Variants in KCTD8 observed in about 807,000 individuals in gnomAD.
The protein encoded by KCTD8 is BTB/POZ domain-containing protein KCTD8.
In KCTD8, 27 loss-of-function variants were observed where a neutral mutation model predicts 31.5. The ratio of observed to expected loss-of-function variants is 0.86; its 90% CI spans 0.63 to 1.18. KCTD8 has a LOEUF of 1.18. Ranked by LOEUF, KCTD8 falls within the 50% of genes most tolerant of loss-of-function variation. KCTD8 has a pLI of 0.00. For synonymous variants in KCTD8, 290 were observed against 280.0 expected (o/e 1.04, Z -0.36); for missense variants, 658 against 647.7 (o/e 1.02, Z -0.17).
intron 1 of KCTD8, among the ~76,000 whole-genome samples, chr4:44,402,726 C>T (rs1259073977): frequency 2.0e-5 from 3 of 152,196 alleles, no homozygotes; most frequent in Admixed American, 6.5e-5. Flanking sequence ...TGTCCCACCT[C>T]CCCTCATATC....
chr4:44,323,503 C>CCG (rs1286712798), intron 1 of KCTD8, among the ~76,000 whole-genome samples: 4 of 127,962 alleles, frequency 3.1e-5, no homozygotes, highest in Non-Finnish European at 3.3e-5. Context: ...CCCACCCACC[C>CCG]CCCCCCAAAA....
At chr4:44,404,474 A>T (rs1192804375) in intron 1 of KCTD8, among the ~76,000 whole-genome samples, 1 of 152,206 alleles carries the variant, frequency 6.6e-6, no homozygotes, top group Admixed American at 6.5e-5. Context: ...ACAACTAAAT[A>T]TGACATTTTA....
chr4:44,317,453 A>G (rs1294376225), intron 1 of KCTD8, among the ~76,000 whole-genome samples: 1 of 139,764 alleles, frequency 7.2e-6, no homozygotes, highest in East Asian at 2.0e-4. Flanking sequence ...GTTAGCCAGG[A>G]TGGTCTCGAT....
rs539447921 is a variant in KCTD8, at chr4:44,195,565, T to C, written c.962-20315A>G. Among the ~76,000 whole-genome samples, 6 of 152,360 alleles carry C rather than the reference T, an allele frequency of 3.9e-5. No individual in the cohort carries two copies. The South Asian group carries it at 1.2e-3, about 32-fold the overall frequency. ...TGATGTTTGTTTTTTATTGGTTTCG[T>C]TCTACTGATTTTTCTTTTTTGTTTA... On this transcript the variant is annotated intron_variant, in intron 1 of 1. Transcript: ENST00000360029.
At chr4:44,299,800 A>C (rs1717553752) in intron 1 of KCTD8, among the ~76,000 whole-genome samples, 3 of 131,986 alleles carry the variant, frequency 2.3e-5, no homozygotes, top group Admixed American at 8.7e-5. Context: ...ACGGAGTCTC[A>C]CTCTGTCGCC....
rs1713139615 is a variant in KCTD8, at chr4:44,174,526, A to G, written c.*264T>C. ...CAAGATACTAAGCTTGATCATGCAC[A>G]TTTTACTTTCATTCTTGTAAAATGG... On this transcript the variant is annotated 3_prime_UTR_variant, in exon 2 of 2. Coordinates refer to ENST00000360029, the MANE Select transcript of KCTD8 (RefSeq NM_198353.3). 3.0e-6 allele frequency: 1 copy of G among 337,344 alleles called. No homozygotes were observed. The highest frequency in any genetic ancestry group is 5.4e-6 in the Non-Finnish European group (1 of 186,902). The allele number at this position is 337,344 out of a possible 1,614,324, so 20.9% of individuals were successfully genotyped here. A position where few individuals can be genotyped will look rare whatever the true frequency, so the allele number is the denominator to read the frequency against.
intron 1 of KCTD8, among the ~76,000 whole-genome samples, chr4:44,226,887 G>GTT (rs375700465): frequency 9.3e-4 from 135 of 145,704 alleles, no homozygotes; most frequent in African/African-American, 3.3e-3. Context: ...AGATGGAGTT[G>GTT]TTTTTTTTTT....
chr4:44,208,051 A>T (rs922622200), intron 1 of KCTD8, among the ~76,000 whole-genome samples: 1 of 152,174 alleles, frequency 6.6e-6, no homozygotes, highest in Non-Finnish European at 1.5e-5. Context: ...AAGAAATTCC[A>T]GGAGATTGTG....
At chr4:44,215,931 A>G (rs1714635127) in intron 1 of KCTD8, among the ~76,000 whole-genome samples, 1 of 152,190 alleles carries the variant, frequency 6.6e-6, no homozygotes, top group Non-Finnish European at 1.5e-5. Context: ...AAGTACCTAA[A>G]GGCTAAAAAT....
At chr4:44,407,036 G>T (rs1720814534) in intron 1 of KCTD8, among the ~76,000 whole-genome samples, 1 of 152,096 alleles carries the variant, frequency 6.6e-6, no homozygotes, top group African/African-American at 2.4e-5. Flanking sequence ...ATCCTAGTAG[G>T]CATGTCCAAT....
At chr4:44,429,967 C>A (rs1721435183) in intron 1 of KCTD8, among the ~76,000 whole-genome samples, 1 of 151,114 alleles carries the variant, frequency 6.6e-6, no homozygotes, top group African/African-American at 2.4e-5. Flanking sequence ...TTTCCTCTGT[C>A]AAGAAAAAGA....
intron 1 of KCTD8, among the ~76,000 whole-genome samples, chr4:44,423,662 A>G (rs1721277236): frequency 6.6e-6 from 1 of 152,146 alleles, no homozygotes. Flanking sequence ...GAAATAAAGT[A>G]AGTAATAAAT....
At chr4:44,331,823 T>C (rs1223322661) in intron 1 of KCTD8, among the ~76,000 whole-genome samples, 1 of 149,550 alleles carries the variant, frequency 6.7e-6, no homozygotes, top group Non-Finnish European at 1.5e-5. Context: ...TAAATTCATA[T>C]ATATGAAAAA....
chr4:44,286,430 A>G (rs568543533), intron 1 of KCTD8, among the ~76,000 whole-genome samples: 11 of 152,102 alleles, frequency 7.2e-5, no homozygotes, highest in African/African-American at 2.7e-4. Flanking sequence ...ATAACACAAT[A>G]TATTTGCCAG....
chr4:44,230,895 C>A (rs1040072618), intron 1 of KCTD8, among the ~76,000 whole-genome samples: 3 of 152,052 alleles, frequency 2.0e-5, no homozygotes, highest in Non-Finnish European at 4.4e-5. Flanking sequence ...TATCCAGATT[C>A]TCAAGCATAA....
At chr4:44,311,665 C>G (rs1220492805) in intron 1 of KCTD8, among the ~76,000 whole-genome samples, 1 of 151,830 alleles carries the variant, frequency 6.6e-6, no homozygotes, top group Non-Finnish European at 1.5e-5. Context: ...TAAAACAAGT[C>G]CAAAGCACAG....
intron 1 of KCTD8, among the ~76,000 whole-genome samples, chr4:44,264,244 T>C (rs1716267077): frequency 6.6e-6 from 1 of 152,212 alleles, no homozygotes; most frequent in African/African-American, 2.4e-5. Flanking sequence ...CTTTGAATAT[T>C]AGCTATTCTT....
intron 1 of KCTD8, among the ~76,000 whole-genome samples, chr4:44,323,508 C>CCG (rs1324815789): frequency 7.3e-6 from 1 of 136,278 alleles, no homozygotes; most frequent in Admixed American, 7.5e-5. Context: ...CCACCCCCCC[C>CCG]CAAAAAAAAT....
chr4:44,340,902 T>C (rs1718880261), intron 1 of KCTD8, among the ~76,000 whole-genome samples: 2 of 151,910 alleles, frequency 1.3e-5, no homozygotes, highest in South Asian at 4.2e-4. Context: ...ATGTTCTACA[T>C]TGTGATAGGA....
Sources: gnomAD v4.1 joint callset for allele counts (sites outside exome capture counted in the v4.1 genomes callset) on GRCh38, gnomAD v4.1.1 for gene constraint, MANE v1.5 for transcripts, NCBI Gene and HGNC (gene_info 2026-07-23, HGNC 2026-07-21) for gene names.